The following MRPS11 variants were observed in gnomAD, a reference collection of about 807,000 sequenced individuals.
MRPS11 encodes small ribosomal subunit protein uS11m.
Under a neutral mutation model 24.3 loss-of-function variants are expected in MRPS11, and 27 were observed. The observed-to-expected ratio is 1.11, with a 90% CI of 0.82 to 1.53. The LOEUF (loss-of-function observed/expected upper bound fraction) is 1.53. Ranked by LOEUF, MRPS11 falls within the 40% of genes most tolerant of loss-of-function variation. The pLI, the probability that MRPS11 is intolerant of heterozygous loss-of-function variation, is 0.00. For synonymous variants in MRPS11, 104 were observed against 98.7 expected, an observed-to-expected ratio of 1.05 and a Z score of -0.32; for missense variants, 277 against 256.5, an observed-to-expected ratio of 1.08 and a Z score of -0.55.
intron 3 of MRPS11, 136 bp from the exon 4 acceptor site, chr15:88,474,974 T>C (rs905659680): frequency 9.9e-7 from 1 of 1,011,168 alleles, no homozygotes; most frequent in South Asian, 1.7e-5. Context: ...TCAAAACATG[T>C]TCATCTGAGA....
At chr15:88,474,541 A>G (rs948263513) in intron 3 of MRPS11, among the ~76,000 whole-genome samples, 1 of 145,690 alleles carries the variant, frequency 6.9e-6, no homozygotes, top group African/African-American at 2.8e-5. Context: ...CCTGGGCAAC[A>G]AGAGCAAAAC....
rs1307997304 is a variant in MRPS11, at chr15:88,477,683, TA to T, written c.478-186del. On this transcript the variant is annotated intron_variant, in intron 5 of 5. Coordinates refer to ENST00000325844, the MANE Select transcript of MRPS11 (RefSeq NM_022839.5). The surrounding 1 kb of genome is among the most constrained non-coding windows in gnomAD (Gnocchi z 5.7). ...GAGGGGAACAGTGTGAAAACCTGGT[TA>T]AAGGGTTTGGGTGGAGACCTTTGTG... 2.6e-5 allele frequency among the ~76,000 whole-genome samples: 4 copies of T among 152,170 alleles called. No individual in the cohort carries two copies. The highest frequency in any genetic ancestry group is 4.4e-5 in the Non-Finnish European group (3 of 68,022).
chr15:88,474,951 T>A, intron 3 of MRPS11, 159 bp from the exon 4 acceptor site: 1 of 792,430 alleles, frequency 1.3e-6, no homozygotes, highest in Non-Finnish European at 1.9e-6. Flanking sequence ...TTCCTGATAC[T>A]TCCTGTAGGA....
rs572282705 is a variant in MRPS11 at position 88,479,523 on chromosome 15, C to T, written c.*1544C>T. The T allele has an allele frequency of 6.6e-6, 1 of 152,288 alleles. No individual in the cohort carries two copies. The highest frequency in any genetic ancestry group is 2.4e-5 in the African/African-American group (1 of 41,550). The allele number at this position is 152,288 out of a possible 1,614,324, so 9.4% of individuals were successfully genotyped here. ...CAAAGAAAGGAGGAAGATCACGAACCAAGACATGAATTTAGAGGAAAAATG... is the reference window on the plus strand; with the variant it reads ...CAAAGAAAGGAGGAAGATCACGAACTAAGACATGAATTTAGAGGAAAAATG... On this transcript the variant is annotated 3_prime_UTR_variant, in exon 6 of 6. Coordinates refer to ENST00000325844, the MANE Select transcript of MRPS11 (RefSeq NM_022839.5).
At chr15:88,468,140 T>C in intron 2 of MRPS11, 116 bp downstream of exon 2, 1 of 1,472,602 alleles carries the variant, frequency 6.8e-7, no homozygotes, top group East Asian at 2.5e-5. Context: ...CCGTGGGACC[T>C]TATGCAAATA....
In MRPS11 at chr15:88,478,270, T is replaced by C. The variant is rs947791673; in HGVS notation, c.*291T>C. The C allele has an allele frequency of 2.1e-5, 8 of 380,742 alleles. No individual in the cohort carries two copies. Among genetic ancestry groups the C allele is most frequent in the African/African-American group, 1.4e-4 (7 of 49,374 alleles). The allele number at this position is 380,742 out of a possible 1,614,324, so 23.6% of individuals were successfully genotyped here. A position where few individuals can be genotyped will look rare whatever the true frequency, so the allele number is the denominator to read the frequency against. On this transcript the variant is annotated 3_prime_UTR_variant, in exon 6 of 6. Coordinates refer to ENST00000325844, the MANE Select transcript of MRPS11 (RefSeq NM_022839.5). This position sits in a 1 kb window ranked among gnomAD's most constrained non-coding sequence, Gnocchi z 4.7. ...AATATCTGTACCACCTGTCATAATT[T>C]TGAGATTTTTTGCTTTCAGAGTTAC...
In MRPS11 at chr15:88,475,084, C is replaced by T; in HGVS notation, c.282-26C>T. 3 of 1,613,666 alleles carry T rather than the reference C, an allele frequency of 1.9e-6. No homozygotes were observed. The highest frequency in any genetic ancestry group is 2.5e-6 in the Non-Finnish European group (3 of 1,179,696). On this transcript the variant is annotated intron_variant, in intron 3 of 5. Coordinates refer to ENST00000325844, the MANE Select transcript of MRPS11 (RefSeq NM_022839.5). This position sits in a 1 kb window ranked among gnomAD's most constrained non-coding sequence, Gnocchi z 4.1. ...TATTTCCCTGAAGAAGAGTTGTATC[C>T]TATGTGCTTCTTCTACTTTTCTCAG...
Position 88,477,277 on chromosome 15 carries a change from C to T in MRPS11, c.477+223C>T, listed in dbSNP as rs532182874. On this transcript the variant is annotated intron_variant, in intron 5 of 5. Transcript: ENST00000325844. This position sits in a 1 kb window ranked among gnomAD's most constrained non-coding sequence, Gnocchi z 5.7. ...CTGAGTGCCTGCTGCGTGCCACGCA[C>T]TGGGAATGGGAAGGTGGTTCCTGGG... Among the ~76,000 whole-genome samples, 1 of 152,236 alleles carries T rather than the reference C, an allele frequency of 6.6e-6. No homozygotes were observed. The highest frequency in any genetic ancestry group is 1.5e-5 in the Non-Finnish European group (1 of 68,042).
intron 3 of MRPS11, 43 bp downstream of exon 3, chr15:88,472,768 C>A (rs2055742289): frequency 1.3e-6 from 2 of 1,501,378 alleles, no homozygotes; most frequent in Non-Finnish European, 1.8e-6. Flanking sequence ...GCGTGAGATT[C>A]TTTCCACTTC....
Position 88,467,919 on chromosome 15 carries a change from C to T in MRPS11, c.77C>T (p.Ala26Val), listed in dbSNP as rs892806502. The T allele has an allele frequency of 1.9e-6, 3 of 1,613,730 alleles. No individual in the cohort carries two copies. The highest frequency in any genetic ancestry group is 2.5e-6 in the Non-Finnish European group (3 of 1,180,000). The change falls in exon 2 of 6, where the codon GCC becomes GTC. Residue 26 changes from alanine to valine, a missense_variant. By Grantham distance (64) the Ala-to-Val change is moderately conservative. Transcript: ENST00000325844. The part of the protein sequence containing the change: ...TWPQTAGRVV[A>V]RTPAGTICTG... ...GCTTTTCTTCCCAGCAGGGTCGTGG[C>T]CAGAACGCCGGCCGGGACCATCTGC...
chr15:88,476,402 G>A (rs1242576925), intron 4 of MRPS11, among the ~76,000 whole-genome samples: 2 of 152,114 alleles, frequency 1.3e-5, no homozygotes, highest in Non-Finnish European at 2.9e-5. Flanking sequence ...AACAAGGGAA[G>A]GCACCCCAAA....
At position 88,478,413 on chromosome 15, in the gene MRPS11, T is replaced by C. The variant is rs900341415; in HGVS notation, c.*434T>C. 2 of 161,002 alleles carry C rather than the reference T, an allele frequency of 1.2e-5. No individual in the cohort carries two copies. The highest frequency in any genetic ancestry group is 4.8e-5 in the African/African-American group (2 of 41,654). The allele number at this position is 161,002 out of a possible 1,614,324, so 10.0% of individuals were successfully genotyped here. A position where few individuals can be genotyped will look rare whatever the true frequency, so the allele number is the denominator to read the frequency against. On this transcript the variant is annotated 3_prime_UTR_variant, in exon 6 of 6. Transcript: ENST00000325844. The surrounding 1 kb of genome is among the most constrained non-coding windows in gnomAD (Gnocchi z 4.7). ...CACTTCTGGTTTCAGATATTTCTTT[T>C]CTAGCCCCTTACCCAAGATTTCTAG...
In MRPS11 at chr15:88,467,728, T is replaced by C. The variant is rs1363073925; in HGVS notation, c.11T>C (p.Val4Ala). Reference sequence around the variant, plus strand: ...GGGTCAATTCAAGTCATGCAGGCTGTGAGAAACGCGGGGTCGCGGTTCCTG... The same window carrying C: ...GGGTCAATTCAAGTCATGCAGGCTGCGAGAAACGCGGGGTCGCGGTTCCTG... MQA[V>A]RNAGSRFLRS... Residue 4 changes from valine to alanine, a missense_variant, in exon 1 of 6, where the codon GTG becomes GCG. Physicochemically the swap from Val to Ala is moderately conservative, Grantham distance 64. Transcript: ENST00000325844. 6.2e-7 allele frequency: 1 copy of C among 1,613,840 alleles called. No homozygotes were observed. Among genetic ancestry groups the C allele is most frequent in the Non-Finnish European group, 8.5e-7 (1 of 1,179,792 alleles).
chr15:88,470,724 C>T (rs1206955636), intron 2 of MRPS11, among the ~76,000 whole-genome samples: 2 of 152,016 alleles, frequency 1.3e-5, no homozygotes, highest in Non-Finnish European at 2.9e-5. Flanking sequence ...GTGGTAGAGG[C>T]TAATATCTGA....
In MRPS11 at chr15:88,475,321, T is replaced by C. The variant is rs2055800148; in HGVS notation, c.411+82T>C. 3.2e-6 allele frequency: 5 copies of C among 1,569,376 alleles called. No individual in the cohort carries two copies. Among genetic ancestry groups the C allele is most frequent in the Admixed American group, 3.5e-5 (2 of 56,970 alleles). On this transcript the variant is annotated intron_variant, in intron 4 of 5. Transcript: ENST00000325844. This position sits in a 1 kb window ranked among gnomAD's most constrained non-coding sequence, Gnocchi z 4.1. Reference sequence around the variant, plus strand: ...ATCACTGAGTGGAGAATCCTCATTATACTACCCATTCAGAAGCAAGGGTTT... The same window carrying C: ...ATCACTGAGTGGAGAATCCTCATTACACTACCCATTCAGAAGCAAGGGTTT...
chr15:88,470,571 A>T (rs188691349), intron 2 of MRPS11, among the ~76,000 whole-genome samples: 135 of 152,310 alleles, frequency 8.9e-4, no homozygotes, highest in African/African-American at 3.0e-3. Context: ...ACCAGGAGAG[A>T]ACATTTGTTT....
chr15:88,468,188 A>G, intron 2 of MRPS11, 164 bp downstream of exon 2: 5 of 1,447,312 alleles, frequency 3.5e-6, no homozygotes, highest in South Asian at 1.4e-5. Context: ...AAATGCGGAT[A>G]ATGCTGAGAG....
rs2055861086 is a variant in MRPS11, at chr15:88,478,088, A to G, written c.*109A>G. 1 of 874,236 alleles carries G rather than the reference A, an allele frequency of 1.1e-6. No individual in the cohort carries two copies. Among genetic ancestry groups the G allele is most frequent in the East Asian group, 2.6e-5 (1 of 38,258 alleles). 54.2% of individuals were successfully genotyped at this position (874,236 alleles called of 1,614,324 possible). ...AGAATATGCTTGTTGGAGATCCTTC[A>G]GGCAGTAAGGGAGAGTTTTGCCTCC... On this transcript the variant is annotated 3_prime_UTR_variant, in exon 6 of 6. Coordinates refer to ENST00000325844, the MANE Select transcript of MRPS11 (RefSeq NM_022839.5). This position sits in a 1 kb window ranked among gnomAD's most constrained non-coding sequence, Gnocchi z 4.7.
At position 88,475,385 on chromosome 15, in the gene MRPS11, T is replaced by C; in HGVS notation, c.411+146T>C. On this transcript the variant is annotated intron_variant, in intron 4 of 5. Coordinates refer to ENST00000325844, the MANE Select transcript of MRPS11 (RefSeq NM_022839.5). The surrounding 1 kb of genome is among the most constrained non-coding windows in gnomAD (Gnocchi z 4.1). Reference sequence around the variant, plus strand: ...TGATGCCCTGATTGGAGCATTGGTTTGAAAAGGTTTAGTGAAAGGCTCCTC... The same window carrying C: ...TGATGCCCTGATTGGAGCATTGGTTCGAAAAGGTTTAGTGAAAGGCTCCTC... 2 of 1,210,796 alleles carry C rather than the reference T, an allele frequency of 1.7e-6. No homozygotes were observed. Among genetic ancestry groups the C allele is most frequent in the Non-Finnish European group, 2.3e-6 (2 of 879,126 alleles). 75.0% of individuals were successfully genotyped at this position (1,210,796 alleles called of 1,614,324 possible).
Sources: allele counts gnomAD v4.1 joint callset (sites outside exome capture counted in the v4.1 genomes callset), GRCh38; gene constraint gnomAD v4.1.1; non-coding constraint Gnocchi (gnomAD v3.1); transcripts MANE v1.5; gene names NCBI Gene and HGNC (gene_info 2026-07-23, HGNC 2026-07-21).